The following MCF2L2 variants were observed in gnomAD, a reference collection of about 807,000 sequenced individuals.
MCF2L2 encodes probable guanine nucleotide exchange factor MCF2L2.
MCF2L2 carries 102 observed loss-of-function variants against 150.2 expected under a neutral mutation model. The ratio of observed to expected loss-of-function variants is 0.68; its 90% CI spans 0.58 to 0.80. The LOEUF is 0.80. Among genes scored for constraint, MCF2L2 ranks in the 30% least tolerant of loss-of-function variants. The probability of loss-of-function intolerance (pLI) is 0.00; values close to 1 mark genes in which losing one functional copy is unlikely to be tolerated. For missense variants in MCF2L2, 1,256 were observed against 1,372.8 expected (o/e 0.91, Z 1.34); for synonymous variants, 465 against 491.3 (o/e 0.95, Z 0.71).
At chr3:183,240,016 C>G (rs1723937784) in intron 15 of MCF2L2, among the ~76,000 whole-genome samples, 1 of 152,186 alleles carries the variant, frequency 6.6e-6, no homozygotes, top group African/African-American at 2.4e-5. Flanking sequence ...CAAACTCCCC[C>G]CTCCAACATC....
intron 1 of MCF2L2, among the ~76,000 whole-genome samples, chr3:183,398,066 T>A (rs1316722361): frequency 6.6e-6 from 1 of 152,204 alleles, no homozygotes; most frequent in African/African-American, 2.4e-5. Flanking sequence ...CTAAGTTCAA[T>A]TGCAATGAGC....
chr3:183,313,843 C>G (rs1028685456), intron 7 of MCF2L2, among the ~76,000 whole-genome samples: 23 of 152,150 alleles, frequency 1.5e-4, no homozygotes, highest in African/African-American at 5.6e-4. Context: ...AGAGATAGCT[C>G]ATTGCCTACC....
intron 10 of MCF2L2, among the ~76,000 whole-genome samples, chr3:183,308,607 G>T (rs1729216375): frequency 6.6e-6 from 1 of 152,186 alleles, no homozygotes; most frequent in African/African-American, 2.4e-5. Flanking sequence ...GTTCATGCAT[G>T]TGCACAAGCA....
intron 14 of MCF2L2, among the ~76,000 whole-genome samples, chr3:183,280,721 G>A (rs1010391605): frequency 6.6e-6 from 1 of 151,692 alleles, no homozygotes; most frequent in Non-Finnish European, 1.5e-5. Flanking sequence ...AGTGGTGCGC[G>A]CCTGTACTCC....
Position 183,193,030 on chromosome 3 carries a change from T to G in MCF2L2, c.2985A>C (p.Glu995Asp). Residue 995 changes from glutamate to aspartate, a missense_variant, in exon 27 of 30, where the codon GAA becomes GAC. Glu to Asp is a conservative substitution (Grantham distance 45). Coordinates refer to ENST00000328913, the MANE Select transcript of MCF2L2 (RefSeq NM_015078.4). ...TCCCTCCTGTGCTGGAGGCCGGGTC[T>G]TCCTTGCTAGTGGTAGCTCTTTCCA... ...KNMERATTSK[E>D]DPASSTGGIK... 5 of 1,614,180 alleles carry G rather than the reference T, an allele frequency of 3.1e-6. No homozygotes were observed. Among genetic ancestry groups the G allele is most frequent in the Non-Finnish European group, 4.2e-6 (5 of 1,180,020 alleles).
intron 2 of MCF2L2, among the ~76,000 whole-genome samples, chr3:183,380,854 G>C (rs1448740806): frequency 6.6e-6 from 1 of 152,182 alleles, no homozygotes; most frequent in East Asian, 1.9e-4. Flanking sequence ...GTGATATCTA[G>C]TTTGATTGCA....
intron 5 of MCF2L2, among the ~76,000 whole-genome samples, chr3:183,325,547 CT>C (rs1560022564): frequency 1.3e-5 from 2 of 152,212 alleles, no homozygotes. Context: ...GGTATTTATT[CT>C]TTCTAAAATT....
At chr3:183,244,571 C>A (rs542272048) in intron 15 of MCF2L2, among the ~76,000 whole-genome samples, 2 of 152,220 alleles carry the variant, frequency 1.3e-5, no homozygotes, top group African/African-American at 4.8e-5. Context: ...TGGGGTTAAG[C>A]CAATCGTCTA....
chr3:183,242,959 T>G (rs1724096454), intron 15 of MCF2L2, among the ~76,000 whole-genome samples: 1 of 152,218 alleles, frequency 6.6e-6, no homozygotes, highest in African/African-American at 2.4e-5. Flanking sequence ...GGAGATTATT[T>G]TGGAACTTTA....
Position 183,388,104 on chromosome 3 carries a change from G to A in MCF2L2, c.160+1592C>T, listed in dbSNP as rs79911155. ...ATGTTTTTTTCTATATTGCCTCTAA[G>A]TCATAAGAACAGAAAGAAAGGCCTC... On this transcript the variant is annotated intron_variant, in intron 2 of 29. Transcript: ENST00000328913. Among the ~76,000 whole-genome samples, 429 of 152,166 alleles carry A rather than the reference G, an allele frequency of 2.8e-3. 1 individual carries two copies. Among genetic ancestry groups the A allele is most frequent in the African/African-American group, 0.01 (418 of 41,516 alleles).
At chr3:183,409,894 C>G (rs959207343) in intron 1 of MCF2L2, among the ~76,000 whole-genome samples, 14 of 120,238 alleles carry the variant, frequency 1.2e-4, no homozygotes, top group African/African-American at 5.7e-4. Flanking sequence ...TATCCTCTAG[C>G]CTTTCCCAAT....
chr3:183,219,447 C>G (rs888082967), intron 21 of MCF2L2, among the ~76,000 whole-genome samples: 1 of 152,004 alleles, frequency 6.6e-6, no homozygotes, highest in Non-Finnish European at 1.5e-5. Context: ...CCCGTCTCTA[C>G]TAAAAATAAA....
intron 15 of MCF2L2, among the ~76,000 whole-genome samples, chr3:183,248,158 A>T (rs569850469): frequency 6.6e-6 from 1 of 152,304 alleles, no homozygotes; most frequent in African/African-American, 2.4e-5. Flanking sequence ...TGATGCAAAC[A>T]TCTCTCTCAG....
At chr3:183,403,779 A>G (rs1714896166) in intron 1 of MCF2L2, among the ~76,000 whole-genome samples, 1 of 152,246 alleles carries the variant, frequency 6.6e-6, no homozygotes, top group Non-Finnish European at 1.5e-5. Context: ...AGGTAAATAA[A>G]TGTTCATAAG....
At chr3:183,371,646 T>C (rs1328021145) in intron 3 of MCF2L2, among the ~76,000 whole-genome samples, 2 of 151,536 alleles carry the variant, frequency 1.3e-5, no homozygotes, top group Admixed American at 6.6e-5. Flanking sequence ...TTTTCTTTTT[T>C]TTTTTTTTTT....
chr3:183,281,989 A>C (rs1727510842), intron 14 of MCF2L2, among the ~76,000 whole-genome samples: 2 of 149,086 alleles, frequency 1.3e-5, no homozygotes, highest in South Asian at 2.1e-4. Flanking sequence ...GCAGCCTCGA[A>C]CTCCTGAGCT....
At chr3:183,287,551 C>G (rs940054405) in intron 14 of MCF2L2, 4 of 152,178 alleles carry the variant, frequency 2.6e-5, no homozygotes, top group Non-Finnish European at 5.9e-5. Flanking sequence ...CACAGACCTC[C>G]TGGGTGTTAA....
chr3:183,426,152 T>C (rs966886765), intron 1 of MCF2L2, among the ~76,000 whole-genome samples: 1 of 152,148 alleles, frequency 6.6e-6, no homozygotes, highest in Non-Finnish European at 1.5e-5. Flanking sequence ...ATGTGTATCC[T>C]GCATGGAGCT....
At chr3:183,277,641 C>T (rs1019579329) in intron 14 of MCF2L2, among the ~76,000 whole-genome samples, 1 of 151,020 alleles carries the variant, frequency 6.6e-6, no homozygotes, top group African/African-American at 2.4e-5. Flanking sequence ...AACAATATGG[C>T]AATCTTATAT....
Sources: allele counts gnomAD v4.1 joint callset (sites outside exome capture counted in the v4.1 genomes callset), GRCh38; gene constraint gnomAD v4.1.1; transcripts MANE v1.5; gene names NCBI Gene and HGNC (gene_info 2026-07-23, HGNC 2026-07-21).